Variants in SMYD3 observed in about 807,000 individuals in gnomAD.
SMYD3 encodes the protein SET and MYND domain containing 3, also known as histone-lysine N-methyltransferase SMYD3.
A neutral mutation model predicts 57.7 loss-of-function variants in SMYD3; 36 were observed. That is an observed-to-expected ratio of 0.62 (90% CI 0.48 to 0.82). SMYD3 has a LOEUF of 0.82. Ranked by LOEUF, SMYD3 falls within the 40% of genes least tolerant of loss-of-function variation. The pLI, the probability that SMYD3 is intolerant of heterozygous loss-of-function variation, is 0.00. For missense variants in SMYD3, 515 were observed against 538.8 expected, an observed-to-expected ratio of 0.96 and a Z score of 0.44; for synonymous variants, 211 against 195.0, an observed-to-expected ratio of 1.08 and a Z score of -0.68.
chr1:246,243,860 T>C (rs1042821453), intron 5 of SMYD3, among the ~76,000 whole-genome samples: 1 of 151,812 alleles, frequency 6.6e-6, no homozygotes, highest in Admixed American at 6.6e-5. Flanking sequence ...AATAACATTC[T>C]ACACGTTTTG....
intron 10 of SMYD3, among the ~76,000 whole-genome samples, chr1:245,820,078 CA>C (rs2049071977): frequency 7.2e-6 from 1 of 138,040 alleles, no homozygotes; most frequent in Admixed American, 7.4e-5. Context: ...CAAAGCCTGG[CA>C]GAGACACAAC....
chr1:245,972,247 G>T (rs541903663), intron 5 of SMYD3, among the ~76,000 whole-genome samples: 3 of 152,182 alleles, frequency 2.0e-5, no homozygotes, highest in African/African-American at 7.2e-5. Context: ...ACCTTAGCTG[G>T]CTAGGTAAGT....
intron 5 of SMYD3, among the ~76,000 whole-genome samples, chr1:246,272,098 AT>A (rs1474762055): frequency 6.6e-6 from 1 of 152,224 alleles, no homozygotes; most frequent in Non-Finnish European, 1.5e-5. Flanking sequence ...TTGTTTGTGT[AT>A]AAAAATGCAA....
At chr1:246,497,340 T>A (rs907622222) in intron 1 of SMYD3, among the ~76,000 whole-genome samples, 1 of 152,228 alleles carries the variant, frequency 6.6e-6, no homozygotes, top group African/African-American at 2.4e-5. Context: ...CCTTTTTTGG[T>A]CTAATTCAAA....
chr1:245,941,885 A>G (rs1256824229), intron 5 of SMYD3, among the ~76,000 whole-genome samples: 1 of 152,232 alleles, frequency 6.6e-6, no homozygotes, highest in Non-Finnish European at 1.5e-5. Context: ...ACTAGGCTTT[A>G]TAAGTGAAGG....
intron 1 of SMYD3, among the ~76,000 whole-genome samples, chr1:246,503,594 A>C (rs1270469488): frequency 1.3e-5 from 2 of 152,218 alleles, no homozygotes; most frequent in African/African-American, 4.8e-5. Context: ...AATACACATA[A>C]CTCATACCCA....
At chr1:246,209,852 A>G (rs2063060350) in intron 5 of SMYD3, among the ~76,000 whole-genome samples, 1 of 152,190 alleles carries the variant, frequency 6.6e-6, no homozygotes, top group Non-Finnish European at 1.5e-5. Flanking sequence ...ATCAAGAGCA[A>G]GTCCAAGATG....
chr1:246,011,543 C>T (rs2059281840), intron 5 of SMYD3, among the ~76,000 whole-genome samples: 1 of 152,116 alleles, frequency 6.6e-6, no homozygotes, highest in East Asian at 1.9e-4. Context: ...TCACCTAGAC[C>T]ACTGTCGATG....
intron 7 of SMYD3, among the ~76,000 whole-genome samples, chr1:245,923,715 G>A (rs1459885215): frequency 2.0e-5 from 3 of 152,060 alleles, no homozygotes. Context: ...CTAATCACTC[G>A]AGTGCTCCTG....
intron 8 of SMYD3, among the ~76,000 whole-genome samples, chr1:245,881,454 T>C (rs534904839): frequency 4.6e-4 from 70 of 152,294 alleles, no homozygotes; most frequent in African/African-American, 1.6e-3. Flanking sequence ...TACCATGAAA[T>C]TGTTTTATGA....
At chr1:246,461,410 T>C (rs2067795987) in intron 1 of SMYD3, among the ~76,000 whole-genome samples, 1 of 152,222 alleles carries the variant, frequency 6.6e-6, no homozygotes, top group African/African-American at 2.4e-5. Flanking sequence ...CATGTTATTA[T>C]GTTAAAATCC....
At chr1:245,955,819 T>G in intron 5 of SMYD3, 1 of 471,228 alleles carries the variant, frequency 2.1e-6, no homozygotes, top group Non-Finnish European at 2.8e-6. Flanking sequence ...CTTTGCATAC[T>G]TTTGGCTACT....
chr1:245,806,999 A>T (rs981163536), intron 10 of SMYD3, among the ~76,000 whole-genome samples: 2 of 151,424 alleles, frequency 1.3e-5, no homozygotes, highest in Admixed American at 1.3e-4. Flanking sequence ...TGAACAGAGA[A>T]ATGAGTCAGG....
At chr1:245,921,820 TGACA>T (rs2055984168) in intron 7 of SMYD3, among the ~76,000 whole-genome samples, 1 of 151,972 alleles carries the variant, frequency 6.6e-6, no homozygotes, top group Non-Finnish European at 1.5e-5. Flanking sequence ...AAGATGGCAA[TGACA>T]GACACTGGCA....
At chr1:245,889,172 A>C (rs2148576221) in intron 8 of SMYD3, among the ~76,000 whole-genome samples, 1 of 152,216 alleles carries the variant, frequency 6.6e-6, no homozygotes, top group East Asian at 1.9e-4. Flanking sequence ...AAAGGCTTTG[A>C]GCATGTACTA....
At chr1:245,889,634 C>T (rs1323990025) in intron 8 of SMYD3, among the ~76,000 whole-genome samples, 2 of 152,190 alleles carry the variant, frequency 1.3e-5, no homozygotes, top group Non-Finnish European at 2.9e-5. Flanking sequence ...TGTGGTCTTA[C>T]TCAGAAAAGA....
intron 5 of SMYD3, among the ~76,000 whole-genome samples, chr1:246,218,538 C>G (rs956365177): frequency 1.3e-5 from 2 of 151,860 alleles, no homozygotes; most frequent in Non-Finnish European, 2.9e-5. Flanking sequence ...GGAGAATGGC[C>G]TGAACCCAGG....
chr1:246,030,706 AAGG>A (rs2059655978), intron 5 of SMYD3, among the ~76,000 whole-genome samples: 1 of 152,202 alleles, frequency 6.6e-6, no homozygotes, highest in Non-Finnish European at 1.5e-5. Flanking sequence ...AAAAGGAAAA[AAGG>A]AGTTGCACCA....
intron 5 of SMYD3, among the ~76,000 whole-genome samples, chr1:246,046,651 A>ATC (rs2059971126): frequency 6.8e-6 from 1 of 147,474 alleles, no homozygotes; most frequent in Non-Finnish European, 1.5e-5. Flanking sequence ...AAATATATAT[A>ATC]TTTTATATAT....
Sources: gnomAD v4.1 joint callset for allele counts (sites outside exome capture counted in the v4.1 genomes callset) on GRCh38, gnomAD v4.1.1 for gene constraint, MANE v1.5 for transcripts, NCBI Gene and HGNC (gene_info 2026-07-23, HGNC 2026-07-21) for gene names.